Variants in GPATCH2 observed in about 807,000 individuals in gnomAD.
The protein encoded by GPATCH2 is G-patch domain containing 2.
Under a neutral mutation model 58.0 loss-of-function variants are expected in GPATCH2, and 51 were observed. The observed-to-expected ratio is 0.88, with a 90% CI of 0.70 to 1.11. The LOEUF is 1.11. Ranked by LOEUF, GPATCH2 falls within the 50% of genes most tolerant of loss-of-function variation. GPATCH2 has a pLI of 0.00. For synonymous variants in GPATCH2, 222 were observed against 218.5 expected (o/e 1.02, Z -0.14); for missense variants, 625 against 652.2 (o/e 0.96, Z 0.45).
chr1:217,439,459 T>G (rs1007128825), intron 9 of GPATCH2, among the ~76,000 whole-genome samples: 1 of 151,904 alleles, frequency 6.6e-6, no homozygotes, highest in Non-Finnish European at 1.5e-5. Context: ...TTGAAAGAAC[T>G]AGAGAAGCAA....
At chr1:217,609,937 C>A in intron 5 of GPATCH2, 1 of 1,240,946 alleles carries the variant, frequency 8.1e-7, no homozygotes, top group Non-Finnish European at 1.0e-6. Context: ...TTTCTATCCA[C>A]CCTGGGCCAA....
intron 5 of GPATCH2, among the ~76,000 whole-genome samples, chr1:217,583,041 A>G (rs1667147271): frequency 6.6e-6 from 1 of 152,222 alleles, no homozygotes; most frequent in South Asian, 2.1e-4. Flanking sequence ...GATAAATCAA[A>G]GACTACTAGC....
chr1:217,610,252 G>T (rs540120800), intron 5 of GPATCH2, 69 bp downstream of exon 5: 12 of 1,494,328 alleles, frequency 8.0e-6, no homozygotes, highest in Non-Finnish European at 1.1e-5. Context: ...GGATGAGGAT[G>T]TGGCTTTTTA....
chr1:217,550,706 T>C (rs1475100722), intron 5 of GPATCH2, among the ~76,000 whole-genome samples: 1 of 151,984 alleles, frequency 6.6e-6, no homozygotes, highest in Non-Finnish European at 1.5e-5. Flanking sequence ...TAGCTTACTC[T>C]GTACTTATCA....
chr1:217,571,703 C>CAAAAAAAAAAAAAAAAAAAA (rs11463536), intron 5 of GPATCH2, among the ~76,000 whole-genome samples: 29 of 73,784 alleles, frequency 3.9e-4, no homozygotes, highest in Non-Finnish European at 6.2e-4. Context: ...AAAACGAAAC[C>CAAAAAAAAAAAAAAAAAAAA]AAAAAAAAAA....
intron 8 of GPATCH2, among the ~76,000 whole-genome samples, chr1:217,454,544 G>A (rs970407804): frequency 1.5e-4 from 20 of 135,452 alleles, no homozygotes; most frequent in African/African-American, 5.2e-4. Flanking sequence ...AGTCGAGATC[G>A]CGCCACTGCA....
At chr1:217,574,310 C>T (rs1666706391) in intron 5 of GPATCH2, among the ~76,000 whole-genome samples, 1 of 152,088 alleles carries the variant, frequency 6.6e-6, no homozygotes, top group Non-Finnish European at 1.5e-5. Context: ...AGCCCGAGCC[C>T]CAAAGCTGCC....
intron 5 of GPATCH2, among the ~76,000 whole-genome samples, chr1:217,544,342 A>G (rs1664917763): frequency 2.6e-5 from 4 of 152,316 alleles, no homozygotes; most frequent in Admixed American, 2.6e-4. Flanking sequence ...GCAGTGAGCC[A>G]AGATCGCACC....
At chr1:217,608,703 A>C in intron 5 of GPATCH2, 1 of 984,102 alleles carries the variant, frequency 1.0e-6, no homozygotes, top group Non-Finnish European at 1.2e-6. Context: ...ATTCAGATCT[A>C]AAAGACAGTC....
At chr1:217,595,818 T>C (rs967034733) in intron 5 of GPATCH2, among the ~76,000 whole-genome samples, 5 of 152,224 alleles carry the variant, frequency 3.3e-5, no homozygotes, top group African/African-American at 1.2e-4. Flanking sequence ...TTAATGTAGG[T>C]AACTCTTTGA....
chr1:217,616,334 C>T (rs1668884895), intron 2 of GPATCH2, among the ~76,000 whole-genome samples: 1 of 152,112 alleles, frequency 6.6e-6, no homozygotes, highest in East Asian at 1.9e-4. Context: ...ATTTAGATTT[C>T]AAGACTTTCT....
intron 5 of GPATCH2, among the ~76,000 whole-genome samples, chr1:217,536,032 T>C (rs554558689): frequency 6.6e-6 from 1 of 152,340 alleles, no homozygotes; most frequent in East Asian, 1.9e-4. Flanking sequence ...CAAATTAGCA[T>C]CTTTTCCTAA....
At chr1:217,452,947 G>A (rs764459596) in intron 8 of GPATCH2, among the ~76,000 whole-genome samples, 1 of 152,128 alleles carries the variant, frequency 6.6e-6, no homozygotes, top group Non-Finnish European at 1.5e-5. Context: ...TGATCCATAA[G>A]ATCACCCCAT....
At chr1:217,575,785 CCTTCACTTT>C (rs1282709725) in intron 5 of GPATCH2, among the ~76,000 whole-genome samples, 2 of 151,986 alleles carry the variant, frequency 1.3e-5, no homozygotes, top group African/African-American at 4.8e-5. Flanking sequence ...AATCAGAATG[CCTTCACTTT>C]AAGTCCCTAT....
At chr1:217,517,890 A>G (rs1218102812) in intron 5 of GPATCH2, among the ~76,000 whole-genome samples, 1 of 152,156 alleles carries the variant, frequency 6.6e-6, no homozygotes, top group African/African-American at 2.4e-5. Flanking sequence ...GGAAACAGGT[A>G]TTCTGTTCTT....
At chr1:217,516,945 A>AT (rs1404749215) in intron 5 of GPATCH2, among the ~76,000 whole-genome samples, 1 of 152,242 alleles carries the variant, frequency 6.6e-6, no homozygotes, top group Non-Finnish European at 1.5e-5. Context: ...AAATGAAGAA[A>AT]TTTCACATAC....
chr1:217,508,244 G>A (rs1662658848), intron 6 of GPATCH2, among the ~76,000 whole-genome samples: 1 of 152,080 alleles, frequency 6.6e-6, no homozygotes, highest in Non-Finnish European at 1.5e-5. Flanking sequence ...TAAAGCAATA[G>A]ATGCTAAATT....
chr1:217,566,419 A>G (rs1666237757), intron 5 of GPATCH2, among the ~76,000 whole-genome samples: 1 of 152,196 alleles, frequency 6.6e-6, no homozygotes, highest in South Asian at 2.1e-4. Context: ...CTAAAACTGC[A>G]TATGTATCAC....
At chr1:217,609,498 G>A (rs1668527036) in intron 5 of GPATCH2, 1 of 983,314 alleles carries the variant, frequency 1.0e-6, no homozygotes, top group African/African-American at 1.7e-5. Context: ...AAACGAGGAT[G>A]ATTTTTGCAG....
Sources: gnomAD v4.1 joint callset for allele counts (sites outside exome capture counted in the v4.1 genomes callset) on GRCh38, gnomAD v4.1.1 for gene constraint, MANE v1.5 for transcripts, NCBI Gene and HGNC (gene_info 2026-07-23, HGNC 2026-07-21) for gene names.